Variants in ULK2 observed in about 807,000 individuals in gnomAD.
ULK2 encodes unc-51 like autophagy activating kinase 2.
Under a neutral mutation model 127.5 loss-of-function variants are expected in ULK2, and 76 were observed. The observed-to-expected ratio is 0.60, with a 90% CI of 0.50 to 0.72. The LOEUF (loss-of-function observed/expected upper bound fraction) is 0.72. Among genes scored for constraint, ULK2 ranks in the 30% least tolerant of loss-of-function variants. The pLI, the probability that ULK2 is intolerant of heterozygous loss-of-function variation, is 0.00. For missense variants in ULK2, 1,144 were observed against 1,295.9 expected, an observed-to-expected ratio of 0.88 and a Z score of 1.80; for synonymous variants, 452 against 461.9, an observed-to-expected ratio of 0.98 and a Z score of 0.28.
intron 13 of ULK2, among the ~76,000 whole-genome samples, chr17:19,816,005 TTAATTACA>T (rs2040980170): frequency 6.6e-6 from 1 of 152,250 alleles, no homozygotes; most frequent in African/African-American, 2.4e-5. Context: ...CAGCTAATAC[TTAATTACA>T]TTCAGTTTAG....
At chr17:19,782,902 C>G (rs558981449) in intron 22 of ULK2, among the ~76,000 whole-genome samples, 15 of 148,644 alleles carry the variant, frequency 1.0e-4, no homozygotes, top group Non-Finnish European at 5.9e-5. Flanking sequence ...GGTGACAGAG[C>G]AAGACTCTGT....
chr17:19,812,185 A>G (rs2087657588), intron 13 of ULK2, among the ~76,000 whole-genome samples: 1 of 152,214 alleles, frequency 6.6e-6, no homozygotes, highest in Non-Finnish European at 1.5e-5. Flanking sequence ...AGGTAGGACT[A>G]AAAGCAGGAT....
At position 19,797,615 on chromosome 17, in the gene ULK2, G is replaced by C. The variant is rs907444312; in HGVS notation, c.1590C>G (p.Pro530=). 1 of 1,613,192 alleles carries C rather than the reference G, an allele frequency of 6.2e-7. No homozygotes were observed. The highest frequency in any genetic ancestry group is 8.5e-7 in the Non-Finnish European group (1 of 1,179,638). The change falls in exon 18 of 27, where the codon CCC becomes CCG. Residue 530 remains proline (P), a synonymous_variant. Coordinates refer to ENST00000395544, the MANE Select transcript of ULK2 (RefSeq NM_014683.4). The part of the protein sequence containing the change: ...LLSGARLQSA[P]TLTDIYQNKQ... ...TGTTCTGATAGATGTCAGTGAGGGT[G>C]GGGGCGCTCTGCAGTCTAGCACCCG...
rs1038318491 is a variant in ULK2 at position 19,816,991 on chromosome 17, G to C, written c.925-71C>G. ...CAAGTCAGAATAGTGACTAGACTAA[G>C]GAATTTTTTTTTTTCCCCCACAAAA... is the stretch of plus-strand genomic sequence containing the variant. On this transcript the variant is annotated intron_variant, in intron 12 of 26. Coordinates refer to ENST00000395544, the MANE Select transcript of ULK2 (RefSeq NM_014683.4). 5 of 1,442,184 alleles carry C rather than the reference G, an allele frequency of 3.5e-6. No individual in the cohort carries two copies. In the African/African-American group the frequency reaches 4.5e-5, roughly 13 times the overall value. 89.3% of individuals were successfully genotyped at this position (1,442,184 alleles called of 1,614,324 possible).
In ULK2 at chr17:19,865,836, G is replaced by A. The variant is rs1385381489; in HGVS notation, c.91-8C>T. Reference sequence around the variant, plus strand: ...TACCTCCCAATCAGTTTTCTGAAAAGGAAAAACAGTGTTACTCCTAGATAC... The same window carrying A: ...TACCTCCCAATCAGTTTTCTGAAAAAGAAAAACAGTGTTACTCCTAGATAC... On this transcript the variant is annotated splice_polypyrimidine_tract_variant and splice_region_variant and intron_variant, in intron 1 of 26. Transcript: ENST00000395544. 7 of 1,504,476 alleles carry A rather than the reference G, an allele frequency of 4.7e-6. No homozygotes were observed. Among genetic ancestry groups the A allele is most frequent in the African/African-American group, 1.4e-5 (1 of 71,630 alleles). The allele number at this position is 1,504,476 out of a possible 1,614,324, so 93.2% of individuals were successfully genotyped here. A position where few individuals can be genotyped will look rare whatever the true frequency, so the allele number is the denominator to read the frequency against.
Position 19,820,422 on chromosome 17 carries a change from C to T in ULK2, c.925-3502G>A, listed in dbSNP as rs187929295. On this transcript the variant is annotated intron_variant, in intron 12 of 26. Coordinates refer to ENST00000395544, the MANE Select transcript of ULK2 (RefSeq NM_014683.4). The stretch of plus-strand genomic sequence containing the variant: ...CCAAATACTGTCAGGCCTCTGTCTA[C>T]CTCTCTAGCTTTCTTTTCCCTTCAC... 3.9e-5 allele frequency among the ~76,000 whole-genome samples: 6 copies of T among 152,244 alleles called. No homozygotes were observed. The East Asian group carries it at 5.8e-4, about 15-fold the overall frequency.
At chr17:19,817,332 C>A (rs375793831) in intron 12 of ULK2, among the ~76,000 whole-genome samples, 1 of 152,098 alleles carries the variant, frequency 6.6e-6, no homozygotes, top group East Asian at 1.9e-4. Flanking sequence ...CGACATCTTA[C>A]ACACACACGT....
intron 15 of ULK2, among the ~76,000 whole-genome samples, chr17:19,803,920 G>A (rs1031589291): frequency 6.6e-6 from 1 of 152,200 alleles, no homozygotes; most frequent in African/African-American, 2.4e-5. Context: ...GGTGCTCTGA[G>A]ATTTAGGTCT....
intron 3 of ULK2, among the ~76,000 whole-genome samples, chr17:19,853,869 C>A (rs2042070645): frequency 6.6e-6 from 1 of 151,834 alleles, no homozygotes; most frequent in Non-Finnish European, 1.5e-5. Flanking sequence ...CCACGCCCGG[C>A]CAAGGCCCCA....
intron 25 of ULK2, 27 bp downstream of exon 25, chr17:19,780,445 A>G (rs765456848): frequency 1.3e-6 from 2 of 1,583,488 alleles, no homozygotes; most frequent in South Asian, 1.2e-5. Context: ...GTAGTACTAT[A>G]CAATATTAAA....
At chr17:19,830,001 C>T (rs1203110679) in intron 10 of ULK2, among the ~76,000 whole-genome samples, 1 of 151,998 alleles carries the variant, frequency 6.6e-6, no homozygotes, top group Admixed American at 6.6e-5. Flanking sequence ...TTCAATATCC[C>T]ACCTTCAGTA....
intron 20 of ULK2, among the ~76,000 whole-genome samples, chr17:19,793,153 G>A (rs1425721373): frequency 1.3e-5 from 2 of 152,152 alleles, no homozygotes; most frequent in Non-Finnish European, 2.9e-5. Flanking sequence ...TGACAAGGCA[G>A]CAGGAAGGAG....
In ULK2 at chr17:19,831,027, T is replaced by TA. The variant is rs10658733; in HGVS notation, c.788-4842dup. On this transcript the variant is annotated intron_variant, in intron 10 of 26. Transcript: ENST00000395544. ...GGGTGACAGAGCAAGACTCCGTCGC[T>TA]AAAAAAAAAAAAAAAACTACCTGAG... Among the ~76,000 whole-genome samples, 622 of 136,868 alleles carry TA rather than the reference T, an allele frequency of 4.5e-3. 27 individuals are homozygous for TA. The highest frequency in any genetic ancestry group is 0.01 in the African/African-American group (370 of 36,656). The allele number at this position is 136,868 out of a possible 152,430, so 89.8% of individuals were successfully genotyped here. A position where few individuals can be genotyped will look rare whatever the true frequency, so the allele number is the denominator to read the frequency against.
intron 20 of ULK2, among the ~76,000 whole-genome samples, chr17:19,788,899 T>C (rs1444105221): frequency 1.3e-5 from 2 of 152,158 alleles, no homozygotes; most frequent in Non-Finnish European, 2.9e-5. Context: ...GTCTTGCGGT[T>C]TGAGTGGCAG....
At chr17:19,805,179 G>T (rs1042889601) in intron 14 of ULK2, among the ~76,000 whole-genome samples, 1 of 152,162 alleles carries the variant, frequency 6.6e-6, no homozygotes. Context: ...AGGAAAATAT[G>T]CTGGGTAAAA....
chr17:19,846,139 A>G (rs551178731), intron 6 of ULK2, among the ~76,000 whole-genome samples: 1 of 151,968 alleles, frequency 6.6e-6, no homozygotes, highest in Non-Finnish European at 1.5e-5. Flanking sequence ...CAAACAAACA[A>G]AAAAAGAATC....
chr17:19,780,982 A>G lies in ULK2; in HGVS notation c.2758+4T>C. 1.2e-6 allele frequency: 2 copies of G among 1,613,916 alleles called. No individual in the cohort carries two copies. Among genetic ancestry groups the G allele is most frequent in the South Asian group, 2.2e-5 (2 of 91,062 alleles). On this transcript the variant is annotated splice_donor_region_variant and intron_variant, in intron 24 of 26. Coordinates refer to ENST00000395544, the MANE Select transcript of ULK2 (RefSeq NM_014683.4). ...CTGGAGTTACACGCTGCCTTCTCCCATACCTTGTTTCACAGCTGTGGATGG... is the reference window on the plus strand; with the variant it reads ...CTGGAGTTACACGCTGCCTTCTCCCGTACCTTGTTTCACAGCTGTGGATGG...
At chr17:19,866,213 G>C (rs1481762683) in intron 1 of ULK2, among the ~76,000 whole-genome samples, 1 of 152,104 alleles carries the variant, frequency 6.6e-6, no homozygotes. Flanking sequence ...ATGAAAAGTA[G>C]GCCGGGAGCC....
At chr17:19,800,210 C>T (rs2087368130) in intron 16 of ULK2, among the ~76,000 whole-genome samples, 1 of 152,198 alleles carries the variant, frequency 6.6e-6, no homozygotes, top group Admixed American at 6.5e-5. Flanking sequence ...CTGCTTCCTC[C>T]TGCTCCTCCC....
Sources: gnomAD v4.1 joint callset for allele counts (sites outside exome capture counted in the v4.1 genomes callset) on GRCh38, gnomAD v4.1.1 for gene constraint, MANE v1.5 for transcripts, NCBI Gene and HGNC (gene_info 2026-07-23, HGNC 2026-07-21) for gene names.